The following GRM5 variants were observed in gnomAD, a reference collection of about 807,000 sequenced individuals.
GRM5 encodes the protein glutamate metabotropic receptor 5.
GRM5 carries 19 observed loss-of-function variants against 83.1 expected under a neutral mutation model. The observed-to-expected ratio is 0.23, with a 90% CI of 0.16 to 0.34. GRM5 has a LOEUF of 0.34. GRM5 is among the 10% of genes least tolerant of loss of function. The pLI, the probability that GRM5 is intolerant of heterozygous loss-of-function variation, is 1.00. For synonymous variants in GRM5, 675 were observed against 633.6 expected, an observed-to-expected ratio of 1.07 and a Z score of -0.98; for missense variants, 1,160 against 1,588.3, an observed-to-expected ratio of 0.73 and a Z score of 4.58.
chr11:88,913,517 A>T (rs1434677566), intron 2 of GRM5, among the ~76,000 whole-genome samples: 1 of 150,902 alleles, frequency 6.6e-6, no homozygotes, highest in Non-Finnish European at 1.5e-5. Flanking sequence ...TCCCTCTCTG[A>T]TGAGAATTCC....
chr11:88,991,865 A>G (rs1403879641), intron 2 of GRM5, among the ~76,000 whole-genome samples: 1 of 152,268 alleles, frequency 6.6e-6, no homozygotes, highest in Admixed American at 6.5e-5. Flanking sequence ...AATCAATTCA[A>G]GATGGATTAA....
chr11:88,843,916 GA>G (rs1944252573), intron 3 of GRM5, among the ~76,000 whole-genome samples: 1 of 152,210 alleles, frequency 6.6e-6, no homozygotes, highest in Non-Finnish European at 1.5e-5. Context: ...GAGAGGGGAG[GA>G]AGTTACAGAA....
At chr11:88,875,242 A>G (rs1045750783) in intron 2 of GRM5, among the ~76,000 whole-genome samples, 1 of 151,970 alleles carries the variant, frequency 6.6e-6, no homozygotes, top group African/African-American at 2.4e-5. Flanking sequence ...TTCTCATTTC[A>G]TCAAGGCTCA....
chr11:88,623,819 A>G (rs1938711015), intron 4 of GRM5, among the ~76,000 whole-genome samples: 1 of 152,160 alleles, frequency 6.6e-6, no homozygotes, highest in Non-Finnish European at 1.5e-5. Flanking sequence ...ACCTGGGCCA[A>G]CTTTCCAAAC....
chr11:88,798,701 T>G (rs1943327973), intron 3 of GRM5, among the ~76,000 whole-genome samples: 1 of 151,752 alleles, frequency 6.6e-6, no homozygotes, highest in Non-Finnish European at 1.5e-5. Context: ...TCATAATTGT[T>G]GTTTTGTGGA....
At chr11:88,640,037 C>T (rs1157148132) in intron 4 of GRM5, among the ~76,000 whole-genome samples, 3 of 152,140 alleles carry the variant, frequency 2.0e-5, no homozygotes, top group East Asian at 3.9e-4. Flanking sequence ...CTCAAAACTT[C>T]CATAGCTGGG....
chr11:88,698,640 T>C (rs1940956973), intron 3 of GRM5, among the ~76,000 whole-genome samples: 1 of 152,174 alleles, frequency 6.6e-6, no homozygotes, highest in Non-Finnish European at 1.5e-5. Flanking sequence ...TGCCTAGAAG[T>C]AACAGAGACC....
intron 3 of GRM5, among the ~76,000 whole-genome samples, chr11:88,768,883 T>A (rs1287843272): frequency 1.3e-5 from 2 of 152,024 alleles, no homozygotes; most frequent in African/African-American, 4.8e-5. Flanking sequence ...GTAGCCCAGA[T>A]GACACCTTCA....
chr11:88,669,642 A>C (rs558304811), intron 3 of GRM5, among the ~76,000 whole-genome samples: 3 of 152,060 alleles, frequency 2.0e-5, no homozygotes, highest in African/African-American at 4.8e-5. Flanking sequence ...ATACATAAAT[A>C]CATTTAATTT....
chr11:88,586,667 A>G (rs1332968068), intron 7 of GRM5, among the ~76,000 whole-genome samples: 2 of 152,332 alleles, frequency 1.3e-5, no homozygotes, highest in East Asian at 3.9e-4. Context: ...TGTTACTTTG[A>G]ATCAGAGTCA....
At chr11:88,878,860 C>T (rs532079521) in intron 2 of GRM5, among the ~76,000 whole-genome samples, 6 of 152,100 alleles carry the variant, frequency 3.9e-5, no homozygotes, top group South Asian at 4.1e-4. Context: ...TGTATCATTC[C>T]ATTTAGGGCT....
At chr11:88,601,886 T>C (rs1226176521) in intron 5 of GRM5, among the ~76,000 whole-genome samples, 2 of 152,290 alleles carry the variant, frequency 1.3e-5, no homozygotes, top group Non-Finnish European at 2.9e-5. Flanking sequence ...CAAGCAGCTA[T>C]AGCACCTAAA....
chr11:88,820,491 T>C (rs1390666451), intron 3 of GRM5, among the ~76,000 whole-genome samples: 1 of 152,122 alleles, frequency 6.6e-6, no homozygotes, highest in Non-Finnish European at 1.5e-5. Flanking sequence ...ACTGGTTTGC[T>C]GGTCTTTGCA....
Position 88,519,283 on chromosome 11 carries a change from T to C in GRM5, c.2726+6026A>G, listed in dbSNP as rs1192706152. 2.0e-5 allele frequency among the ~76,000 whole-genome samples: 3 copies of C among 151,780 alleles called. No individual in the cohort carries two copies. The East Asian group carries it at 5.8e-4, about 29-fold the overall frequency. ...TCTTAAGATGTGCTGTTGTAGAAAATAGTTAGCATGTTTGGAGACTTGTAT... is the reference window on the plus strand; with the variant it reads ...TCTTAAGATGTGCTGTTGTAGAAAACAGTTAGCATGTTTGGAGACTTGTAT... On this transcript the variant is annotated intron_variant, in intron 9 of 9. Transcript: ENST00000305447.
At chr11:88,753,772 C>T (rs1164978642) in intron 3 of GRM5, among the ~76,000 whole-genome samples, 1 of 152,004 alleles carries the variant, frequency 6.6e-6, no homozygotes, top group Non-Finnish European at 1.5e-5. Context: ...CGAGACTGAG[C>T]AATTTACAAA....
intron 2 of GRM5, among the ~76,000 whole-genome samples, chr11:89,007,043 C>T (rs539770819): frequency 1.3e-5 from 2 of 152,278 alleles, no homozygotes; most frequent in East Asian, 1.9e-4. Flanking sequence ...GTGATCTGCC[C>T]GTCTTGGCCT....
intron 4 of GRM5, among the ~76,000 whole-genome samples, chr11:88,608,556 T>C (rs2135237716): frequency 7.2e-6 from 1 of 139,140 alleles, no homozygotes; most frequent in Non-Finnish European, 1.5e-5. Flanking sequence ...TCTCACTCTG[T>C]GGTCCAGGCT....
At chr11:88,982,147 G>T (rs1939545512) in intron 2 of GRM5, among the ~76,000 whole-genome samples, 1 of 152,120 alleles carries the variant, frequency 6.6e-6, no homozygotes, top group African/African-American at 2.4e-5. Flanking sequence ...AAAATTGAAG[G>T]AAAATTCAAC....
chr11:88,627,565 T>C (rs1212711339), intron 4 of GRM5, among the ~76,000 whole-genome samples: 1 of 152,218 alleles, frequency 6.6e-6, no homozygotes, highest in Non-Finnish European at 1.5e-5. Context: ...CACATGTGCA[T>C]ATTTCAAATT....
Sources: gnomAD v4.1 joint callset for allele counts (sites outside exome capture counted in the v4.1 genomes callset) on GRCh38, gnomAD v4.1.1 for gene constraint, MANE v1.5 for transcripts, NCBI Gene and HGNC (gene_info 2026-07-23, HGNC 2026-07-21) for gene names.